KIRREL3: variants seen among roughly 807,000 people sequenced by gnomAD.
The protein encoded by KIRREL3 is kin of IRRE-like protein 3.
KIRREL3 carries 36 observed loss-of-function variants against 89.7 expected under a neutral mutation model. The observed-to-expected ratio is 0.40, with a 90% CI of 0.31 to 0.53. KIRREL3 has a LOEUF of 0.53. KIRREL3 is among the 20% of genes least tolerant of loss of function. The pLI is 0.49. For missense variants in KIRREL3, 864 were observed against 1,056.6 expected (o/e 0.82, Z 2.53); for synonymous variants, 445 against 441.4 (o/e 1.01, Z -0.10).
intron 1 of KIRREL3, chr11:126,936,854 T>C (rs1257686008): frequency 6.6e-6 from 1 of 152,172 alleles, no homozygotes; most frequent in African/African-American, 2.4e-5. Flanking sequence ...ACTGTGTAAA[T>C]TTACTAAAAT....
Position 126,611,257 on chromosome 11 carries a change from A to G in KIRREL3, c.56-48345T>C, listed in dbSNP as rs573121086. Among the ~76,000 whole-genome samples the G allele has an allele frequency of 4.9e-4, 75 of 152,196 alleles. No individual in the cohort carries two copies. Among genetic ancestry groups the G allele is most frequent in the Non-Finnish European group, 9.6e-4 (65 of 68,008 alleles). On this transcript the variant is annotated intron_variant, in intron 1 of 16. Transcript: ENST00000525144. The surrounding 1 kb of genome is among the most constrained non-coding windows in gnomAD (Gnocchi z 4.7). ...CAGCGCCCGGTGAATGTTAGCTGCT[A>G]TTACTGTTGTTCCTACCACCGCACC...
chr11:126,769,080 C>T lies in KIRREL3; in HGVS notation c.56-206168G>A, dbSNP rs1401694284. 2.0e-5 allele frequency among the ~76,000 whole-genome samples: 3 copies of T among 152,308 alleles called. No homozygotes were observed. The highest frequency in any genetic ancestry group is 4.8e-5 in the African/African-American group (2 of 41,562). ...TCCTTTCCGCATCTTGTTTACCTGTCAGACTCCTCGGGGCCTTTGAGCTCT... is the reference window on the plus strand; with the variant it reads ...TCCTTTCCGCATCTTGTTTACCTGTTAGACTCCTCGGGGCCTTTGAGCTCT... On this transcript the variant is annotated intron_variant, in intron 1 of 16. Transcript: ENST00000525144. This position sits in a 1 kb window ranked among gnomAD's most constrained non-coding sequence, Gnocchi z 4.3.
At position 126,909,477 on chromosome 11, in the gene KIRREL3, G is replaced by A. The variant is rs949254844; in HGVS notation, c.55+90978C>T. 4.6e-5 allele frequency among the ~76,000 whole-genome samples: 7 copies of A among 152,126 alleles called. No individual in the cohort carries two copies. Among genetic ancestry groups the A allele is most frequent in the African/African-American group, 1.4e-4 (6 of 41,414 alleles). ...CCTATTCCTTCAGCACGTGCTAAGC[G>A]CCGACTCTCAGGGCATGGCTCTGAG... On this transcript the variant is annotated intron_variant, in intron 1 of 16. Transcript: ENST00000525144. The surrounding 1 kb of genome is among the most constrained non-coding windows in gnomAD (Gnocchi z 4.5).
At position 126,473,346 on chromosome 11, in the gene KIRREL3, C is replaced by T. The variant is rs1229660884; in HGVS notation, c.554G>A (p.Arg185Gln). 1.1e-5 allele frequency: 15 copies of T among 1,373,084 alleles called. No individual in the cohort carries two copies. The highest frequency in any genetic ancestry group is 3.4e-5 in the African/African-American group (2 of 59,330). The allele number at this position is 1,373,084 out of a possible 1,614,324, so 85.1% of individuals were successfully genotyped here. Residue 185 changes from arginine to glutamine, a missense_variant, in exon 5 of 17, where the codon CGA becomes CAA. By Grantham distance (43) the Arg-to-Gln change is conservative. Transcript: ENST00000525144. ...GGCCCCATTGATGACCTCTCCCTTT[C>T]GCAACCAGATGATGGAGGCTGCAGG... is the stretch of plus-strand genomic sequence containing the variant. ...AKPAASIIWL[R>Q]KGEVINGATY...
At chr11:126,539,394 G>A (rs1292605850) in intron 2 of KIRREL3, among the ~76,000 whole-genome samples, 1 of 152,126 alleles carries the variant, frequency 6.6e-6, no homozygotes, top group Non-Finnish European at 1.5e-5. Flanking sequence ...AGTCATCAAA[G>A]GTTTTTGACC....
rs192645105 is a variant in KIRREL3, at chr11:126,664,462, A to T, written c.56-101550T>A. Among the ~76,000 whole-genome samples the T allele has an allele frequency of 6.6e-6, 1 of 152,268 alleles. No individual in the cohort carries two copies. Among genetic ancestry groups the T allele is most frequent in the African/African-American group, 2.4e-5 (1 of 41,542 alleles). The stretch of plus-strand genomic sequence containing the variant: ...CTCCTTCCTCCCACCTGCCTACTCT[A>T]AATGAAACAGCTCTGTCATACTGGG... On this transcript the variant is annotated intron_variant, in intron 1 of 16. Coordinates refer to ENST00000525144, the MANE Select transcript of KIRREL3 (RefSeq NM_032531.4). The surrounding 1 kb of genome is among the most constrained non-coding windows in gnomAD (Gnocchi z 5.4).
rs577423475 is a variant in KIRREL3, at chr11:126,610,493, C to T, written c.56-47581G>A. Among the ~76,000 whole-genome samples the T allele has an allele frequency of 2.0e-5, 3 of 152,332 alleles. No individual in the cohort carries two copies. The highest frequency in any genetic ancestry group is 4.8e-5 in the African/African-American group (2 of 41,570). On this transcript the variant is annotated intron_variant, in intron 1 of 16. Transcript: ENST00000525144. This position sits in a 1 kb window ranked among gnomAD's most constrained non-coding sequence, Gnocchi z 4.6. The stretch of plus-strand genomic sequence containing the variant: ...GACATACTTAGGATGATAGACTAAC[C>T]TGGCCCAGCCTGCAACCTCATGGGA...
Position 126,608,237 on chromosome 11 carries a change from A to G in KIRREL3, c.56-45325T>C, listed in dbSNP as rs1266631229. On this transcript the variant is annotated intron_variant, in intron 1 of 16. Coordinates refer to ENST00000525144, the MANE Select transcript of KIRREL3 (RefSeq NM_032531.4). This position sits in a 1 kb window ranked among gnomAD's most constrained non-coding sequence, Gnocchi z 4.9. Reference sequence around the variant, plus strand: ...GGAGGCAGCTGAAGGGGGCGGTCTCAGAAGCCCCCGCTGGGAGCCTCCTAT... The same window carrying G: ...GGAGGCAGCTGAAGGGGGCGGTCTCGGAAGCCCCCGCTGGGAGCCTCCTAT... 6.6e-6 allele frequency among the ~76,000 whole-genome samples: 1 copy of G among 152,188 alleles called. No homozygotes were observed. The highest frequency in any genetic ancestry group is 2.4e-5 in the African/African-American group (1 of 41,452).
rs1958575973 is a variant in KIRREL3 at position 126,521,245 on chromosome 11, A to G, written c.433+70T>C. On this transcript the variant is annotated intron_variant, in intron 4 of 16. Coordinates refer to ENST00000525144, the MANE Select transcript of KIRREL3 (RefSeq NM_032531.4). This position sits in a 1 kb window ranked among gnomAD's most constrained non-coding sequence, Gnocchi z 4.1. ...GAGTCTCCCCATGTCTGACCAAAAA[A>G]ATACCCTCTTGGAGCTGAGCCCTTG... 1 of 1,431,152 alleles carries G rather than the reference A, an allele frequency of 7.0e-7. No individual in the cohort carries two copies. Among genetic ancestry groups the G allele is most frequent in the Non-Finnish European group, 9.2e-7 (1 of 1,084,918 alleles). 88.7% of individuals were successfully genotyped at this position (1,431,152 alleles called of 1,614,324 possible).
rs1275147462 is a variant in KIRREL3, at chr11:126,931,242, C to T, written c.55+69213G>A. 1.3e-5 allele frequency among the ~76,000 whole-genome samples: 2 copies of T among 152,164 alleles called. No homozygotes were observed. The highest frequency in any genetic ancestry group is 2.9e-5 in the Non-Finnish European group (2 of 68,042). On this transcript the variant is annotated intron_variant, in intron 1 of 16. Transcript: ENST00000525144. This position sits in a 1 kb window ranked among gnomAD's most constrained non-coding sequence, Gnocchi z 5.1. ...TGTTTCTTGGACACTGTTGTTATCT[C>T]CAGAACCTATCGCAGTGTCTGGCAC... is the stretch of plus-strand genomic sequence containing the variant.
chr11:126,980,726 G>A (rs1949698022), intron 1 of KIRREL3, among the ~76,000 whole-genome samples: 1 of 152,202 alleles, frequency 6.6e-6, no homozygotes, highest in South Asian at 2.1e-4. Flanking sequence ...CACACTAAGT[G>A]CTGGGAATAT....
intron 1 of KIRREL3, among the ~76,000 whole-genome samples, chr11:126,649,409 C>T (rs1313248450): frequency 2.0e-5 from 3 of 152,230 alleles, no homozygotes; most frequent in Non-Finnish European, 4.4e-5. Context: ...ATCCCTTCTA[C>T]CTATGAGCCT....
chr11:126,463,245 G>T lies in KIRREL3; in HGVS notation c.654C>A (p.Asp218Glu), dbSNP rs761482885. ...IVSTLFISPG[D>E]VENGQSIVCR... ...ACACGATGCTCTGGCCATTCTCCAC[G>T]TCACCAGGGGAGATGAAGAGGGTGC... The change falls in exon 6 of 17, where the codon GAC (aspartate) becomes GAA (glutamate). Residue 218 changes from aspartate (D) to glutamate (E), a missense_variant. Transcript: ENST00000525144. The surrounding 1 kb of genome is among the most constrained non-coding windows in gnomAD (Gnocchi z 5.9). 1.2e-6 allele frequency: 2 copies of T among 1,613,806 alleles called. No individual in the cohort carries two copies. Among genetic ancestry groups the T allele is most frequent in the Non-Finnish European group, 1.7e-6 (2 of 1,179,830 alleles).
At chr11:126,567,647 G>A (rs960019092) in intron 1 of KIRREL3, among the ~76,000 whole-genome samples, 1 of 152,230 alleles carries the variant, frequency 6.6e-6, no homozygotes, top group Non-Finnish European at 1.5e-5. Flanking sequence ...GGGTGGCTAA[G>A]ATCTGTTGGG....
Position 126,463,216 on chromosome 11 carries a change from C to T in KIRREL3, c.683G>A (p.Arg228His), listed in dbSNP as rs546310584. The T allele has an allele frequency of 6.8e-5, 110 of 1,613,874 alleles. No individual in the cohort carries two copies. Among genetic ancestry groups the T allele is most frequent in the East Asian group, 4.7e-4 (21 of 44,878 alleles). The change falls in exon 6 of 17, where the codon CGT becomes CAT. Residue 228 changes from arginine (R) to histidine (H), a missense_variant. By Grantham distance (29) the Arg-to-His change is conservative (BLOSUM62 0). Transcript: ENST00000525144. This position sits in a 1 kb window ranked among gnomAD's most constrained non-coding sequence, Gnocchi z 5.9. ...DVENGQSIVCRATNKAIPGGK... is the reference protein window; with the variant it reads ...DVENGQSIVCHATNKAIPGGK... The stretch of plus-strand genomic sequence containing the variant: ...TCCGGGGATGGCTTTGTTGGTGGCA[C>T]GACACACGATGCTCTGGCCATTCTC...
intron 1 of KIRREL3, among the ~76,000 whole-genome samples, chr11:126,819,014 G>A (rs147306414): frequency 1.4e-3 from 217 of 152,288 alleles, no homozygotes; most frequent in Non-Finnish European, 2.5e-3. Flanking sequence ...GTTGGTGGGC[G>A]AGGCCGCTAG....
chr11:126,823,095 G>A (rs1943284144), intron 1 of KIRREL3, among the ~76,000 whole-genome samples: 1 of 152,184 alleles, frequency 6.6e-6, no homozygotes, highest in South Asian at 2.1e-4. Flanking sequence ...CAGATGAGAT[G>A]TGAGAGACTA....
intron 1 of KIRREL3, among the ~76,000 whole-genome samples, chr11:126,580,393 G>T (rs1941479205): frequency 6.6e-6 from 1 of 152,164 alleles, no homozygotes; most frequent in Non-Finnish European, 1.5e-5. Flanking sequence ...GAATGCTGGG[G>T]ACTGGTGAAC....
Position 126,611,846 on chromosome 11 carries a change from C to A in KIRREL3, c.56-48934G>T, listed in dbSNP as rs1400277035. Among the ~76,000 whole-genome samples, 1 of 152,204 alleles carries A rather than the reference C, an allele frequency of 6.6e-6. No individual in the cohort carries two copies. Among genetic ancestry groups the A allele is most frequent in the Admixed American group, 6.5e-5 (1 of 15,282 alleles). On this transcript the variant is annotated intron_variant, in intron 1 of 16. Coordinates refer to ENST00000525144, the MANE Select transcript of KIRREL3 (RefSeq NM_032531.4). This position sits in a 1 kb window ranked among gnomAD's most constrained non-coding sequence, Gnocchi z 4.7. ...GGCTGGACCCATCAGGCTGGAACAC[C>A]AGATTCTTAATCAACTGTAGGTGCT... is the stretch of plus-strand genomic sequence containing the variant.
Sources: gnomAD v4.1 joint callset for allele counts (sites outside exome capture counted in the v4.1 genomes callset) on GRCh38, gnomAD v4.1.1 for gene constraint, Gnocchi (gnomAD v3.1) non-coding constraint, MANE v1.5 for transcripts, NCBI Gene and HGNC (gene_info 2026-07-23, HGNC 2026-07-21) for gene names.